GALNT18: variants seen among roughly 807,000 people sequenced by gnomAD.
GALNT18 encodes the protein GalNAc-transferase 18.
In GALNT18, 44 loss-of-function variants were observed where a neutral mutation model predicts 69.5. The ratio of observed to expected loss-of-function variants is 0.63; its 90% confidence interval spans 0.50 to 0.81. The LOEUF is 0.81. Among genes scored for constraint, GALNT18 ranks in the 40% least tolerant of loss-of-function variants. The probability of loss-of-function intolerance (pLI) is 0.00; values close to 1 mark genes in which losing one functional copy is unlikely to be tolerated. For synonymous variants in GALNT18, 364 were observed against 318.2 expected, an observed-to-expected ratio of 1.14 and a Z score of -1.53; for missense variants, 715 against 810.0, an observed-to-expected ratio of 0.88 and a Z score of 1.42.
At chr11:11,289,754 T>TG (rs774691493) in intron 10 of GALNT18, among the ~76,000 whole-genome samples, 32 of 152,162 alleles carry the variant, frequency 2.1e-4, no homozygotes, top group Non-Finnish European at 3.7e-4. Context: ...TAGAAGTGTC[T>TG]GGGTGCAGGT....
intron 3 of GALNT18, among the ~76,000 whole-genome samples, chr11:11,380,909 A>C (rs1333583546): frequency 6.6e-6 from 1 of 152,220 alleles, no homozygotes; most frequent in Non-Finnish European, 1.5e-5. Flanking sequence ...TTGTCATTCA[A>C]GTGATCCTTT....
In GALNT18 at chr11:11,613,333, G is replaced by A. The variant is rs1466041238; in HGVS notation, c.235+8026C>T. Among the ~76,000 whole-genome samples, 4 of 152,228 alleles carry A rather than the reference G, an allele frequency of 2.6e-5. No homozygotes were observed. The East Asian group carries it at 5.8e-4, about 22-fold the overall frequency. On this transcript the variant is annotated intron_variant, in intron 1 of 10. Transcript: ENST00000227756. This position sits in a 1 kb window ranked among gnomAD's most constrained non-coding sequence, Gnocchi z 4.2. ...AATCACTGCCACAACATACTGTGCT[G>A]TGGAGCAGTTGTGAGGTAATTAGTG...
At position 11,501,174 on chromosome 11, in the gene GALNT18, C is replaced by T. The variant is rs557414060; in HGVS notation, c.236-52238G>A. On this transcript the variant is annotated intron_variant, in intron 1 of 10. Transcript: ENST00000227756. The stretch of plus-strand genomic sequence containing the variant: ...TATTCAGAAGGTAAAAGTCAGAATT[C>T]ATTTATTCAGTAATTCACTCAATTA... Among the ~76,000 whole-genome samples the T allele has an allele frequency of 1.0e-3, 154 of 152,326 alleles. 1 individual carries two copies. In the Middle Eastern group the frequency reaches 0.014, roughly 13 times the overall value.
intron 1 of GALNT18, among the ~76,000 whole-genome samples, chr11:11,576,536 A>C (rs1231641736): frequency 6.6e-6 from 1 of 152,196 alleles, no homozygotes; most frequent in African/African-American, 2.4e-5. Context: ...AGGCACTCTG[A>C]ATGTGCAACT....
intron 3 of GALNT18, among the ~76,000 whole-genome samples, chr11:11,386,264 G>A (rs1177800756): frequency 1.3e-5 from 2 of 152,134 alleles, no homozygotes; most frequent in Non-Finnish European, 2.9e-5. Flanking sequence ...TAGAGTCCAG[G>A]TCCCCACAGC....
At position 11,587,004 on chromosome 11, in the gene GALNT18, A is replaced by G. The variant is rs1327564446; in HGVS notation, c.235+34355T>C. Among the ~76,000 whole-genome samples the G allele has an allele frequency of 6.6e-6, 1 of 152,140 alleles. No individual in the cohort carries two copies. Among genetic ancestry groups the G allele is most frequent in the African/African-American group, 2.4e-5 (1 of 41,418 alleles). ...ACCCCATCTCCAAATAAATAAATAA[A>G]TAAATAAATAAACTCAAATTTCCTC... On this transcript the variant is annotated intron_variant, in intron 1 of 10. Transcript: ENST00000227756. This position sits in a 1 kb window ranked among gnomAD's most constrained non-coding sequence, Gnocchi z 4.4.
rs33946765 is a variant in GALNT18 at position 11,294,609 on chromosome 11, GAAA to G, written c.1513-1419_1513-1417del. On this transcript the variant is annotated intron_variant, in intron 9 of 10. Coordinates refer to ENST00000227756, the MANE Select transcript of GALNT18 (RefSeq NM_198516.3). ...CCTACTGTAGTGCAAACACATCCCA[GAAA>G]AAAAAAAAAAAAACATAAACAAATG... is the stretch of plus-strand genomic sequence containing the variant. 5.9e-3 allele frequency among the ~76,000 whole-genome samples: 836 copies of G among 142,530 alleles called. 8 individuals carry two copies. The highest frequency in any genetic ancestry group is 0.014 in the East Asian group (67 of 4,822). The allele number at this position is 142,530 out of a possible 152,430, so 93.5% of individuals were successfully genotyped here. A position where few individuals can be genotyped will look rare whatever the true frequency, so the allele number is the denominator to read the frequency against.
chr11:11,616,702 T>C lies in GALNT18; in HGVS notation c.235+4657A>G, dbSNP rs1334247281. Among the ~76,000 whole-genome samples, 2 of 152,256 alleles carry C rather than the reference T, an allele frequency of 1.3e-5. No individual in the cohort carries two copies. The highest frequency in any genetic ancestry group is 1.3e-4 in the Admixed American group (2 of 15,290). ...AAACCCTATTTGTCTCTAGTACCAC[T>C]GCCCACAGCTCCTGCAAATAGTTGA... On this transcript the variant is annotated intron_variant, in intron 1 of 10. Coordinates refer to ENST00000227756, the MANE Select transcript of GALNT18 (RefSeq NM_198516.3). This position sits in a 1 kb window ranked among gnomAD's most constrained non-coding sequence, Gnocchi z 4.4.
chr11:11,327,683 C>T (rs996020547), intron 8 of GALNT18, among the ~76,000 whole-genome samples: 8 of 152,078 alleles, frequency 5.3e-5, no homozygotes, highest in South Asian at 2.1e-4. Context: ...AGTGGGAGGT[C>T]GGATGGGAGA....
intron 3 of GALNT18, among the ~76,000 whole-genome samples, chr11:11,410,366 C>T (rs1854699870): frequency 6.6e-6 from 1 of 152,034 alleles, no homozygotes; most frequent in Non-Finnish European, 1.5e-5. Context: ...CAGCACCCTG[C>T]CATCAGATCC....
At chr11:11,412,829 A>C (rs952790112) in intron 3 of GALNT18, among the ~76,000 whole-genome samples, 13 of 152,146 alleles carry the variant, frequency 8.5e-5, no homozygotes, top group Admixed American at 3.9e-4. Flanking sequence ...ACTTTTGTCC[A>C]TGGGCTTCAT....
chr11:11,608,621 A>T (rs1259308009), intron 1 of GALNT18, among the ~76,000 whole-genome samples: 1 of 152,082 alleles, frequency 6.6e-6, no homozygotes, highest in Non-Finnish European at 1.5e-5. Flanking sequence ...TCGGCCTCCC[A>T]AAGTACTGGG....
chr11:11,535,773 G>T (rs1389616724), intron 1 of GALNT18, among the ~76,000 whole-genome samples: 2 of 152,184 alleles, frequency 1.3e-5, no homozygotes, highest in Non-Finnish European at 2.9e-5. Flanking sequence ...CCCAGTAAAT[G>T]CATTTCCTGC....
rs1030098427 is a variant in GALNT18 at position 11,383,028 on chromosome 11, C to G, written c.596-3764G>C. On this transcript the variant is annotated intron_variant, in intron 3 of 10. Coordinates refer to ENST00000227756, the MANE Select transcript of GALNT18 (RefSeq NM_198516.3). The surrounding 1 kb of genome is among the most constrained non-coding windows in gnomAD (Gnocchi z 5.2). ...TCCTGCTTATGTTGCTACTTCAGCT[C>G]TCTCCTACTGTCCACAAATCCCTGA... Among the ~76,000 whole-genome samples the G allele has an allele frequency of 3.9e-5, 6 of 152,154 alleles. No individual in the cohort carries two copies. The highest frequency in any genetic ancestry group is 1.4e-4 in the African/African-American group (6 of 41,436).
At chr11:11,299,183 C>T (rs1849450476) in intron 9 of GALNT18, among the ~76,000 whole-genome samples, 2 of 152,132 alleles carry the variant, frequency 1.3e-5, no homozygotes, top group African/African-American at 2.4e-5. Flanking sequence ...CTCACTCTGT[C>T]GCTCAGTCTG....
In GALNT18 at chr11:11,327,320, C is replaced by G. The variant is rs986670643; in HGVS notation, c.1417-139G>C. On this transcript the variant is annotated intron_variant, in intron 8 of 10. Transcript: ENST00000227756. The stretch of plus-strand genomic sequence containing the variant: ...CCCAAGGCCCTTGAACACTATAGAA[C>G]CAACAAGCACCAGCTTTTGCCTTGC... The G allele has an allele frequency of 6.1e-6, 4 of 651,672 alleles. No homozygotes were observed. The South Asian group carries it at 7.4e-5, about 12-fold the overall frequency. The allele number at this position is 651,672 out of a possible 1,614,324, so 40.4% of individuals were successfully genotyped here. A position where few individuals can be genotyped will look rare whatever the true frequency, so the allele number is the denominator to read the frequency against.
At chr11:11,365,793 T>C (rs1190245287) in intron 6 of GALNT18, among the ~76,000 whole-genome samples, 2 of 152,228 alleles carry the variant, frequency 1.3e-5, no homozygotes, top group South Asian at 2.1e-4. Flanking sequence ...ACAATACCTA[T>C]ATAGTATATT....
At chr11:11,323,203 A>G (rs1034586257) in intron 9 of GALNT18, among the ~76,000 whole-genome samples, 3 of 152,112 alleles carry the variant, frequency 2.0e-5, no homozygotes, top group Non-Finnish European at 4.4e-5. Context: ...TCTAACATCA[A>G]CTCTAAAGTC....
chr11:11,554,917 G>C (rs1232700869), intron 1 of GALNT18, among the ~76,000 whole-genome samples: 1 of 152,228 alleles, frequency 6.6e-6, no homozygotes, highest in Non-Finnish European at 1.5e-5. Context: ...GGAGGGAGCA[G>C]ACAGGCAGAG....
Sources: gnomAD v4.1 joint callset for allele counts (sites outside exome capture counted in the v4.1 genomes callset) on GRCh38, gnomAD v4.1.1 for gene constraint, Gnocchi (gnomAD v3.1) non-coding constraint, MANE v1.5 for transcripts, NCBI Gene and HGNC (gene_info 2026-07-23, HGNC 2026-07-21) for gene names.